Variants in MMP20 observed in about 807,000 individuals in gnomAD.
The protein encoded by MMP20 is matrix metallopeptidase 20, also known as matrix metalloproteinase-20.
A neutral mutation model predicts 51.8 loss-of-function variants in MMP20; 50 were observed. The ratio of observed to expected loss-of-function variants is 0.97; its 90% CI spans 0.77 to 1.22. The LOEUF (loss-of-function observed/expected upper bound fraction) is 1.22. Ranked by LOEUF, MMP20 falls within the 50% of genes most tolerant of loss-of-function variation. The pLI, the probability that MMP20 is intolerant of heterozygous loss-of-function variation, is 0.00. For synonymous variants in MMP20, 244 were observed against 216.2 expected (o/e 1.13, Z -1.13); for missense variants, 663 against 601.4 (o/e 1.10, Z -1.07).
At chr11:102,598,807 C>T (rs1055129836) in intron 6 of MMP20, among the ~76,000 whole-genome samples, 1 of 152,160 alleles carries the variant, frequency 6.6e-6, no homozygotes, top group African/African-American at 2.4e-5. Flanking sequence ...TTTACCCAGT[C>T]ATCATTCTCC....
Position 102,594,620 on chromosome 11 carries a change from C to A in MMP20, c.1090+1G>T. 6.2e-7 allele frequency: 1 copy of A among 1,613,586 alleles called. No individual in the cohort carries two copies. The highest frequency in any genetic ancestry group is 8.5e-7 in the Non-Finnish European group (1 of 1,179,954). On this transcript the variant is annotated splice_donor_variant, in intron 7 of 9. Transcript: ENST00000260228. LOFTEE classifies it high-confidence loss of function. ...CTTTCTTTGAGGGATCTGTAGGGTA[C>A]CTTTGAAGAAGTAAGCAGTGCCCCT...
chr11:102,623,246 G>A (rs1167423219), intron 1 of MMP20, among the ~76,000 whole-genome samples: 1 of 152,208 alleles, frequency 6.6e-6, no homozygotes, highest in East Asian at 1.9e-4. Flanking sequence ...CCACCCAAGA[G>A]TGTCTAGCCC....
chr11:102,581,025 G>C (rs573923076), intron 8 of MMP20, among the ~76,000 whole-genome samples: 1 of 152,278 alleles, frequency 6.6e-6, no homozygotes, highest in Non-Finnish European at 1.5e-5. Flanking sequence ...ACAGTCTGAT[G>C]GTACTGGGTT....
At chr11:102,613,162 G>A (rs933827345) in intron 2 of MMP20, among the ~76,000 whole-genome samples, 1 of 152,246 alleles carries the variant, frequency 6.6e-6, no homozygotes, top group African/African-American at 2.4e-5. Flanking sequence ...GAAAAATGTA[G>A]TGCTTTTTGG....
Position 102,577,170 on chromosome 11 carries a change from GA to G in MMP20, c.*155del, listed in dbSNP as rs35128445. ...ATTGAAATTCTGATTATACAACTAT[GA>G]AAAAAATTGGAAGTATTATTATTCT... On this transcript the variant is annotated 3_prime_UTR_variant, in exon 10 of 10. Transcript: ENST00000260228. The G allele has an allele frequency of 4.8e-6, 3 of 630,710 alleles. No individual in the cohort carries two copies. Among genetic ancestry groups the G allele is most frequent in the South Asian group, 1.8e-5 (1 of 54,086 alleles). 39.1% of individuals were successfully genotyped at this position (630,710 alleles called of 1,614,324 possible). A position where few individuals can be genotyped will look rare whatever the true frequency, so the allele number is the denominator to read the frequency against.
At chr11:102,611,637 C>T in intron 3 of MMP20, 118 bp downstream of exon 3, 1 of 1,288,936 alleles carries the variant, frequency 7.8e-7, no homozygotes. Flanking sequence ...TTGGCCTTGG[C>T]CCATCACAGC....
At chr11:102,603,966 AC>A (rs774133366) in intron 6 of MMP20, among the ~76,000 whole-genome samples, 1 of 152,082 alleles carries the variant, frequency 6.6e-6, no homozygotes, top group Non-Finnish European at 1.5e-5. Flanking sequence ...AGATGTATTG[AC>A]TTTAAGTAGT....
intron 8 of MMP20, among the ~76,000 whole-genome samples, chr11:102,583,137 A>C (rs1033080944): frequency 6.6e-6 from 1 of 152,156 alleles, no homozygotes; most frequent in Admixed American, 6.6e-5. Flanking sequence ...TTCATTTCTT[A>C]AGTTTACTGT....
intron 1 of MMP20, 93 bp from the exon 2 acceptor site, chr11:102,617,152 A>T: frequency 6.9e-7 from 1 of 1,455,894 alleles, no homozygotes; most frequent in Non-Finnish European, 9.6e-7. Flanking sequence ...TGATGTATTA[A>T]AAGCAGTGTG....
Position 102,593,507 on chromosome 11 carries a change from T to C in MMP20, c.1179A>G (p.Gln393=). The part of the protein sequence containing the change: ...YDFGFPRHVQ[Q]IDAAVYLREP... ...CCCTGAGGTAGACAGCAGCATCTAT[T>C]TGCTGCACGTGCCTTGGAAATCCAA... The change falls in exon 8 of 10, where the codon CAA becomes CAG. Residue 393 remains glutamine, a synonymous_variant. Coordinates refer to ENST00000260228, the MANE Select transcript of MMP20 (RefSeq NM_004771.4). The C allele has an allele frequency of 6.2e-7, 1 of 1,614,046 alleles. No homozygotes were observed. Among genetic ancestry groups the C allele is most frequent in the Non-Finnish European group, 8.5e-7 (1 of 1,179,880 alleles).
chr11:102,621,847 T>C (rs1252956881), intron 1 of MMP20, among the ~76,000 whole-genome samples: 1 of 152,192 alleles, frequency 6.6e-6, no homozygotes, highest in African/African-American at 2.4e-5. Flanking sequence ...TTTTAAAAAG[T>C]CTTTATCATA....
intron 2 of MMP20, among the ~76,000 whole-genome samples, 165 bp downstream of exon 2, chr11:102,616,647 T>C (rs1859674762): frequency 6.6e-6 from 1 of 152,208 alleles, no homozygotes; most frequent in South Asian, 2.1e-4. Context: ...TCTGGTGAAT[T>C]GCCCATTGTC....
chr11:102,595,330 C>T (rs997241971), intron 6 of MMP20, among the ~76,000 whole-genome samples: 10 of 152,056 alleles, frequency 6.6e-5, no homozygotes, highest in Admixed American at 2.0e-4. Context: ...CCCTCTCCTT[C>T]GTTTATTTAA....
chr11:102,618,072 A>G (rs1459943465), intron 1 of MMP20, among the ~76,000 whole-genome samples: 1 of 152,124 alleles, frequency 6.6e-6, no homozygotes, highest in Non-Finnish European at 1.5e-5. Context: ...ATCATCTCTA[A>G]ATTACTTATA....
intron 6 of MMP20, among the ~76,000 whole-genome samples, chr11:102,603,337 C>T (rs1859472289): frequency 6.6e-6 from 1 of 152,134 alleles, no homozygotes; most frequent in Non-Finnish European, 1.5e-5. Context: ...CACTCTGGGA[C>T]TTTTAGCGGC....
chr11:102,609,033 C>G lies in MMP20; in HGVS notation c.715G>C (p.Asp239His), dbSNP rs1367793053. 1.9e-6 allele frequency: 3 copies of G among 1,613,880 alleles called. No homozygotes were observed. The highest frequency in any genetic ancestry group is 2.7e-5 in the African/African-American group (2 of 74,894). ...GTTGGGTACATCAGTGCTGATGGGTCTGTGGAATGGGCCAGGCCCAGGGCA... is the reference window on the plus strand; with the variant it reads ...GTTGGGTACATCAGTGCTGATGGGTGTGTGGAATGGGCCAGGCCCAGGGCA... Reference protein sequence around the residue: ...GHALGLAHSTDPSALMYPTYK... With the variant: ...GHALGLAHSTHPSALMYPTYK... The change falls in exon 5 of 10, where the codon GAC becomes CAC. Residue 239 changes from aspartate (D) to histidine (H), a missense_variant. By Grantham distance (81) the Asp-to-His change is moderately conservative (BLOSUM62 -1). Coordinates refer to ENST00000260228, the MANE Select transcript of MMP20 (RefSeq NM_004771.4).
rs1711420 is a variant in MMP20, at chr11:102,608,818, T to C, written c.811+119A>G. The C allele has an allele frequency of 0.45, 486,550 of 1,069,792 alleles. 112,854 individuals carry two copies. Among genetic ancestry groups the C allele is most frequent in the South Asian group, 0.58 (45,126 of 78,406 alleles). The allele number at this position is 1,069,792 out of a possible 1,614,324, so 66.3% of individuals were successfully genotyped here. ...ATCAGCTCTTCACAAGAAGGCATAG[T>C]TGGGGTTATGGTTTCTAGATTGATC... On this transcript the variant is annotated intron_variant, in intron 5 of 9. Transcript: ENST00000260228.
intron 8 of MMP20, among the ~76,000 whole-genome samples, chr11:102,587,063 C>T (rs987540319): frequency 3.9e-5 from 6 of 152,036 alleles, no homozygotes; most frequent in African/African-American, 1.4e-4. Flanking sequence ...AGATTTTTCT[C>T]CTTTTTAAAT....
At chr11:102,605,307 G>T (rs1396774690) in intron 6 of MMP20, 5 of 152,220 alleles carry the variant, frequency 3.3e-5, no homozygotes, top group Admixed American at 2.6e-4. Flanking sequence ...CATTTCTGTT[G>T]TCTAAGCCAC....
Sources: gnomAD v4.1 joint callset for allele counts (sites outside exome capture counted in the v4.1 genomes callset) on GRCh38, gnomAD v4.1.1 for gene constraint, MANE v1.5 for transcripts, NCBI Gene and HGNC (gene_info 2026-07-23, HGNC 2026-07-21) for gene names.